LRMDA: variants seen among roughly 807,000 people sequenced by gnomAD.
LRMDA encodes the protein leucine-rich melanocyte differentiation-associated protein.
Under a neutral mutation model 29.8 loss-of-function variants are expected in LRMDA, and 18 were observed. The observed-to-expected ratio is 0.60, with a 90% CI of 0.42 to 0.90. The LOEUF is 0.90. Among genes scored for constraint, LRMDA ranks in the 40% least tolerant of loss-of-function variants. The pLI is 0.00. For synonymous variants in LRMDA, 125 were observed against 109.4 expected (o/e 1.14, Z -0.89); for missense variants, 273 against 273.9 (o/e 1.00, Z 0.02).
At chr10:76,044,033 T>C (rs1277446549) in intron 3 of LRMDA, among the ~76,000 whole-genome samples, 1 of 152,224 alleles carries the variant, frequency 6.6e-6, no homozygotes, top group Non-Finnish European at 1.5e-5. Flanking sequence ...AGCACCATTC[T>C]GGTAGCCCAC....
At chr10:76,074,415 A>G (rs1848924870) in intron 5 of LRMDA, among the ~76,000 whole-genome samples, 2 of 152,218 alleles carry the variant, frequency 1.3e-5, no homozygotes, top group South Asian at 2.1e-4. Flanking sequence ...TATTCACAGC[A>G]GAGCTATTAA....
intron 6 of LRMDA, among the ~76,000 whole-genome samples, chr10:76,326,697 G>T (rs1441803254): frequency 2.0e-5 from 3 of 152,144 alleles, no homozygotes; most frequent in South Asian, 2.1e-4. Context: ...TTCTGTACAT[G>T]CCATTTTCCC....
At chr10:75,464,053 C>T (rs1051035867) in intron 2 of LRMDA, among the ~76,000 whole-genome samples, 5 of 152,204 alleles carry the variant, frequency 3.3e-5, no homozygotes, top group African/African-American at 1.2e-4. Flanking sequence ...CTACCCGCCT[C>T]GGCCTCCCAA....
intron 2 of LRMDA, among the ~76,000 whole-genome samples, chr10:75,627,796 A>C (rs1841270456): frequency 6.6e-6 from 1 of 152,218 alleles, no homozygotes; most frequent in Admixed American, 6.5e-5. Flanking sequence ...CTAAATTGGG[A>C]GATTTCAGAT....
intron 5 of LRMDA, among the ~76,000 whole-genome samples, chr10:76,282,493 G>A (rs1564710321): frequency 6.6e-6 from 1 of 152,192 alleles, no homozygotes; most frequent in Non-Finnish European, 1.5e-5. Context: ...CCAGAGAGGC[G>A]CTGGTGGAGG....
rs150559037 is a variant in LRMDA at position 76,471,490 on chromosome 10, G to A, written c.602-85719G>A. Among the ~76,000 whole-genome samples, 16 of 151,452 alleles carry A rather than the reference G, an allele frequency of 1.1e-4. No individual in the cohort carries two copies. The East Asian group carries it at 2.7e-3, about 26-fold the overall frequency. On this transcript the variant is annotated intron_variant, in intron 6 of 6. Transcript: ENST00000611255. ...CTAGAAATATTCACTTAAAGCAAAA[G>A]GAAGCAGTAAAGAAGGAACAGGGAA...
At chr10:76,281,733 C>T (rs1472317803) in intron 5 of LRMDA, among the ~76,000 whole-genome samples, 1 of 152,204 alleles carries the variant, frequency 6.6e-6, no homozygotes, top group African/African-American at 2.4e-5. Context: ...TGACAGACCC[C>T]TAAATCCTCC....
At chr10:76,073,783 C>A (rs757017928) in intron 5 of LRMDA, among the ~76,000 whole-genome samples, 149 of 152,298 alleles carry the variant, frequency 9.8e-4, no homozygotes, top group Non-Finnish European at 1.7e-3. Flanking sequence ...ATTTCCAAGA[C>A]CTTCTTTGGA....
At chr10:75,558,701 T>G (rs1463938885) in intron 2 of LRMDA, among the ~76,000 whole-genome samples, 1 of 148,348 alleles carries the variant, frequency 6.7e-6, no homozygotes, top group African/African-American at 2.5e-5. Flanking sequence ...CCCACAACAG[T>G]CCCCAGAGTG....
At chr10:75,902,273 G>T (rs557539300) in intron 2 of LRMDA, among the ~76,000 whole-genome samples, 7 of 152,142 alleles carry the variant, frequency 4.6e-5, no homozygotes, top group Non-Finnish European at 1.0e-4. Flanking sequence ...AATGCTTAGG[G>T]TTGTTTGAGA....
intron 2 of LRMDA, among the ~76,000 whole-genome samples, chr10:75,678,827 T>G (rs1301710872): frequency 6.6e-6 from 1 of 152,214 alleles, no homozygotes; most frequent in African/African-American, 2.4e-5. Flanking sequence ...AATTTGTCTC[T>G]CATTTCTTTA....
chr10:76,148,255 TTTTG>T (rs1850367955), intron 5 of LRMDA, among the ~76,000 whole-genome samples: 1 of 152,138 alleles, frequency 6.6e-6, no homozygotes, highest in African/African-American at 2.4e-5. Context: ...ACTGCTATCT[TTTTG>T]TTTGTCTGTG....
At chr10:76,055,217 A>C (rs1473094656) in intron 4 of LRMDA, among the ~76,000 whole-genome samples, 5 of 152,094 alleles carry the variant, frequency 3.3e-5, no homozygotes, top group Non-Finnish European at 5.9e-5. Context: ...GGAAAAGGAC[A>C]ATAGACTGAG....
At chr10:75,456,240 C>T (rs566284490) in intron 2 of LRMDA, among the ~76,000 whole-genome samples, 13 of 152,318 alleles carry the variant, frequency 8.5e-5, no homozygotes, top group Admixed American at 2.6e-4. Context: ...CACATATACG[C>T]GGCAATTACG....
rs532725251 is a variant in LRMDA at position 76,369,535 on chromosome 10, C to A, written c.601+45050C>A. ...GTTACCTGGTGCTTCTGTCTCATAG[C>A]TCTTAAGATTCTTTCCTTCATCTTA... On this transcript the variant is annotated intron_variant, in intron 6 of 6. Coordinates refer to ENST00000611255, the MANE Select transcript of LRMDA (RefSeq NM_001305581.2). Among the ~76,000 whole-genome samples the A allele has an allele frequency of 2.6e-5, 4 of 152,278 alleles. No individual in the cohort carries two copies. In the South Asian group the frequency reaches 8.3e-4, roughly 32 times the overall value.
chr10:76,389,789 G>A (rs79107227), intron 6 of LRMDA, among the ~76,000 whole-genome samples: 1,641 of 152,264 alleles, frequency 0.011, 35 homozygotes, highest in African/African-American at 0.037. Flanking sequence ...CCATGCAGCA[G>A]CATGTGTCAA....
chr10:75,745,922 G>A (rs1842884943), intron 2 of LRMDA, among the ~76,000 whole-genome samples: 1 of 152,176 alleles, frequency 6.6e-6, no homozygotes, highest in Non-Finnish European at 1.5e-5. Flanking sequence ...ATTTGTTTGA[G>A]TTACGGATTT....
chr10:76,536,738 C>A (rs1039815453), intron 6 of LRMDA, among the ~76,000 whole-genome samples: 1 of 152,210 alleles, frequency 6.6e-6, no homozygotes, highest in East Asian at 1.9e-4. Flanking sequence ...CTTAGTGATG[C>A]TAAGATTGAT....
At position 76,317,168 on chromosome 10, in the gene LRMDA, C is replaced by G. The variant is rs189817240; in HGVS notation, c.517-7233C>G. On this transcript the variant is annotated intron_variant, in intron 5 of 6. Coordinates refer to ENST00000611255, the MANE Select transcript of LRMDA (RefSeq NM_001305581.2). The stretch of plus-strand genomic sequence containing the variant: ...CAGGCTGATTTGGTTTCTAATCACA[C>G]TCTGGACTTTAGAACTGGATAGCCT... 3.3e-3 allele frequency among the ~76,000 whole-genome samples: 497 copies of G among 150,038 alleles called. 2 individuals carry two copies. The highest frequency in any genetic ancestry group is 5.2e-3 in the Non-Finnish European group (351 of 67,858).
Sources: gnomAD v4.1 joint callset for allele counts (sites outside exome capture counted in the v4.1 genomes callset) on GRCh38, gnomAD v4.1.1 for gene constraint, MANE v1.5 for transcripts, NCBI Gene and HGNC (gene_info 2026-07-23, HGNC 2026-07-21) for gene names.